Variants in DRC11 observed in about 807,000 individuals in gnomAD.
DRC11 encodes IQ and AAA domain-containing protein 1.
the DRC11 span, among the ~76,000 whole-genome samples, chr2:236,428,962 G>A: frequency 6.6e-6 from 1 of 152,152 alleles, no homozygotes; most frequent in Non-Finnish European, 1.5e-5. Flanking sequence ...AAAGTTTATT[G>A]TGTTCCGTTG....
At chr2:236,389,141 T>C in the DRC11 span, among the ~76,000 whole-genome samples, 1 of 152,144 alleles carries the variant, frequency 6.6e-6, no homozygotes, top group Non-Finnish European at 1.5e-5. Context: ...CCCCCAGAGG[T>C]GGAGCCTACA....
At chr2:236,444,510 A>G in the DRC11 span, among the ~76,000 whole-genome samples, 34 of 152,268 alleles carry the variant, frequency 2.2e-4, no homozygotes, top group African/African-American at 7.9e-4. Flanking sequence ...CCTGGGACAC[A>G]CTTTGAGAGC....
chr2:236,312,537 C>G, the DRC11 span, among the ~76,000 whole-genome samples: 4 of 151,980 alleles, frequency 2.6e-5, no homozygotes, highest in Admixed American at 6.6e-5. Flanking sequence ...TAAAGAAAAT[C>G]TTAGTACCCA....
chr2:236,318,070 T>A, the DRC11 span, among the ~76,000 whole-genome samples: 1 of 152,188 alleles, frequency 6.6e-6, no homozygotes, highest in African/African-American at 2.4e-5. This position sits in a 1 kb window ranked among gnomAD's most constrained non-coding sequence, Gnocchi z 7.0. Flanking sequence ...GTGCAGCGCT[T>A]CTGGCCTGTT....
chr2:236,361,158 G>C, the DRC11 span, among the ~76,000 whole-genome samples: 1 of 152,142 alleles, frequency 6.6e-6, no homozygotes, highest in Non-Finnish European at 1.5e-5. This position sits in a 1 kb window ranked among gnomAD's most constrained non-coding sequence, Gnocchi z 5.7. Context: ...GAAATGGGCG[G>C]ATAGAGAACT....
the DRC11 span, among the ~76,000 whole-genome samples, chr2:236,358,461 A>G: frequency 7.0e-6 from 1 of 142,426 alleles, no homozygotes. Context: ...AAAAAGTATA[A>G]ATATTTGATA....
chr2:236,413,507 T>G, the DRC11 span, among the ~76,000 whole-genome samples: 7 of 152,226 alleles, frequency 4.6e-5, no homozygotes, highest in Non-Finnish European at 1.0e-4. This position sits in a 1 kb window ranked among gnomAD's most constrained non-coding sequence, Gnocchi z 4.0. Flanking sequence ...CAAAATTTGG[T>G]TTGAAATGTT....
the DRC11 span, among the ~76,000 whole-genome samples, chr2:236,495,716 T>C: frequency 2.0e-5 from 3 of 152,178 alleles, no homozygotes; most frequent in African/African-American, 4.8e-5. The surrounding 1 kb of genome is among the most constrained non-coding windows in gnomAD (Gnocchi z 5.6). Context: ...AGAATGAAGA[T>C]GCCTTCAGCC....
chr2:236,404,570 T>C, the DRC11 span, among the ~76,000 whole-genome samples: 7 of 152,238 alleles, frequency 4.6e-5, no homozygotes, highest in African/African-American at 1.4e-4. Flanking sequence ...TTAATGGTCA[T>C]GGTGGAGCCA....
chr2:236,377,261 C>T, the DRC11 span: 23 of 847,926 alleles, frequency 2.7e-5, no homozygotes, highest in South Asian at 4.5e-5. The surrounding 1 kb of genome is among the most constrained non-coding windows in gnomAD (Gnocchi z 4.9). Context: ...TGATCACATA[C>T]GCGGAGAACT....
At chr2:236,331,238 G>T in the DRC11 span, 6 of 723,962 alleles carry the variant, frequency 8.3e-6, no homozygotes, top group Non-Finnish European at 1.4e-5. The surrounding 1 kb of genome is among the most constrained non-coding windows in gnomAD (Gnocchi z 4.8). Flanking sequence ...AAAATTTCAG[G>T]TTTCCAAATT....
chr2:236,337,161 A>T, the DRC11 span, among the ~76,000 whole-genome samples: 1 of 152,130 alleles, frequency 6.6e-6, no homozygotes, highest in East Asian at 1.9e-4. The surrounding 1 kb of genome is among the most constrained non-coding windows in gnomAD (Gnocchi z 4.9). Flanking sequence ...AAGGAGACTC[A>T]ACTTTCATGT....
chr2:236,394,752 G>A, the DRC11 span, among the ~76,000 whole-genome samples: 2 of 152,156 alleles, frequency 1.3e-5, no homozygotes, highest in African/African-American at 2.4e-5. The surrounding 1 kb of genome is among the most constrained non-coding windows in gnomAD (Gnocchi z 7.0). Flanking sequence ...GACAGACTAC[G>A]GCACGGATGG....
chr2:236,338,828 A>G, the DRC11 span, among the ~76,000 whole-genome samples: 1 of 152,254 alleles, frequency 6.6e-6, no homozygotes, highest in Admixed American at 6.5e-5. Flanking sequence ...ACCTGGTTAC[A>G]TAAGGCTGTG....
At chr2:236,385,071 G>T in the DRC11 span, among the ~76,000 whole-genome samples, 1 of 151,956 alleles carries the variant, frequency 6.6e-6, no homozygotes, top group Admixed American at 6.5e-5. Flanking sequence ...TAGCCTTGTA[G>T]TATAGTTTGA....
the DRC11 span, chr2:236,413,017 G>A: frequency 6.6e-6 from 1 of 152,214 alleles, no homozygotes; most frequent in African/African-American, 2.4e-5. This position sits in a 1 kb window ranked among gnomAD's most constrained non-coding sequence, Gnocchi z 4.0. Context: ...CTTGGGCTGT[G>A]AGCGTAGGCT....
At chr2:236,481,153 C>T in the DRC11 span, among the ~76,000 whole-genome samples, 1 of 152,230 alleles carries the variant, frequency 6.6e-6, no homozygotes, top group African/African-American at 2.4e-5. Flanking sequence ...GGCCAAGATA[C>T]AGAGAAGAGT....
the DRC11 span, among the ~76,000 whole-genome samples, chr2:236,472,863 A>C: frequency 1.7e-3 from 254 of 151,920 alleles, 1 homozygote; most frequent in African/African-American, 6.1e-3. This position sits in a 1 kb window ranked among gnomAD's most constrained non-coding sequence, Gnocchi z 4.6. Context: ...GGAAGCGCAC[A>C]CTCCCAACTG....
the DRC11 span, among the ~76,000 whole-genome samples, chr2:236,479,215 A>G: frequency 6.6e-6 from 1 of 152,042 alleles, no homozygotes; most frequent in Non-Finnish European, 1.5e-5. The surrounding 1 kb of genome is among the most constrained non-coding windows in gnomAD (Gnocchi z 4.1). Flanking sequence ...TCCTTTCTTT[A>G]AGTCCATGTG....
Sources: gnomAD v4.1 joint callset for allele counts (sites outside exome capture counted in the v4.1 genomes callset) on GRCh38, gnomAD v4.1.1 for gene constraint, Gnocchi (gnomAD v3.1) non-coding constraint, MANE v1.5 for transcripts, NCBI Gene and HGNC (gene_info 2026-07-23, HGNC 2026-07-21) for gene names.